Variants in KCNIP4 observed in about 807,000 individuals in gnomAD.
The protein encoded by KCNIP4 is potassium voltage-gated channel interacting protein 4.
Under a neutral mutation model 34.0 loss-of-function variants are expected in KCNIP4, and 12 were observed. The ratio of observed to expected loss-of-function variants is 0.35; its 90% CI spans 0.23 to 0.57. The LOEUF is 0.57. Ranked by LOEUF, KCNIP4 falls within the 20% of genes least tolerant of loss-of-function variation. The pLI, the probability that KCNIP4 is intolerant of heterozygous loss-of-function variation, is 0.83. For missense variants in KCNIP4, 238 were observed against 311.7 expected (o/e 0.76, Z 1.78); for synonymous variants, 124 against 102.2 (o/e 1.21, Z -1.29).
At chr4:21,025,553 T>TG (rs1387056981) in intron 1 of KCNIP4, among the ~76,000 whole-genome samples, 7 of 48,970 alleles carry the variant, frequency 1.4e-4, no homozygotes, top group Admixed American at 2.6e-4. Flanking sequence ...GTTTTTTTTT[T>TG]TTTTTTTTTT....
chr4:21,428,934 C>A (rs1292397523), intron 1 of KCNIP4, among the ~76,000 whole-genome samples: 4 of 152,144 alleles, frequency 2.6e-5, no homozygotes, highest in Non-Finnish European at 5.9e-5. Context: ...ATATCTTATA[C>A]CACAATGGTA....
intron 1 of KCNIP4, among the ~76,000 whole-genome samples, chr4:21,483,440 A>G (rs1430043955): frequency 1.3e-5 from 2 of 151,834 alleles, no homozygotes; most frequent in Non-Finnish European, 2.9e-5. Context: ...CCAACGATTT[A>G]GTACCATCCC....
At chr4:21,280,988 A>G (rs1241430929) in intron 1 of KCNIP4, among the ~76,000 whole-genome samples, 2 of 152,254 alleles carry the variant, frequency 1.3e-5, no homozygotes, top group Non-Finnish European at 2.9e-5. Flanking sequence ...GTATATCTCA[A>G]GTCCACAGCT....
intron 1 of KCNIP4, among the ~76,000 whole-genome samples, chr4:21,267,500 C>G (rs1284451910): frequency 6.6e-6 from 1 of 151,234 alleles, no homozygotes; most frequent in Admixed American, 6.6e-5. Flanking sequence ...ATAAATAGCT[C>G]TTATTATTTT....
chr4:21,248,506 TA>T (rs1198100619), intron 1 of KCNIP4, among the ~76,000 whole-genome samples: 3 of 152,200 alleles, frequency 2.0e-5, no homozygotes, highest in Non-Finnish European at 4.4e-5. Flanking sequence ...AAAGCCTTGA[TA>T]ACTGGAGAAT....
chr4:20,962,699 A>G (rs1329140423), intron 1 of KCNIP4, among the ~76,000 whole-genome samples: 2 of 152,244 alleles, frequency 1.3e-5, no homozygotes, highest in Non-Finnish European at 2.9e-5. Flanking sequence ...ATTAAAAAAC[A>G]TAAAAATGCA....
At chr4:21,303,759 A>T (rs759656317) in intron 1 of KCNIP4, 1 of 1,477,622 alleles carries the variant, frequency 6.8e-7, no homozygotes, top group South Asian at 1.1e-5. Flanking sequence ...AGACATTTTC[A>T]TTGCAAAACA....
intron 1 of KCNIP4, among the ~76,000 whole-genome samples, chr4:21,892,536 CAAAAGCAA>C (rs1727158722): frequency 1.1e-5 from 1 of 88,446 alleles, no homozygotes; most frequent in Middle Eastern, 5.7e-3. Context: ...AAAAAAAAAG[CAAAAGCAA>C]AAAAGTAAAA....
intron 1 of KCNIP4, among the ~76,000 whole-genome samples, chr4:21,352,342 G>A (rs1253416110): frequency 6.6e-6 from 1 of 152,188 alleles, no homozygotes; most frequent in Non-Finnish European, 1.5e-5. Context: ...CCCAGGAAGT[G>A]CAAGGGGTCA....
At chr4:21,653,713 T>G (rs529433481) in intron 1 of KCNIP4, among the ~76,000 whole-genome samples, 1 of 152,210 alleles carries the variant, frequency 6.6e-6, no homozygotes, top group African/African-American at 2.4e-5. Context: ...ATTGTCCTGT[T>G]TAATCCTCAC....
chr4:21,843,118 A>G (rs1334114239), intron 1 of KCNIP4, among the ~76,000 whole-genome samples: 1 of 152,146 alleles, frequency 6.6e-6, no homozygotes, highest in African/African-American at 2.4e-5. Flanking sequence ...TGAGCAAAAT[A>G]TGTGATTCAT....
chr4:21,346,245 T>TTA (rs1427830517), intron 1 of KCNIP4, among the ~76,000 whole-genome samples: 8 of 103,450 alleles, frequency 7.7e-5, no homozygotes, highest in African/African-American at 2.6e-4. Flanking sequence ...ATAATATATA[T>TTA]TATATATATA....
chr4:21,552,976 A>G (rs914568541), intron 1 of KCNIP4, among the ~76,000 whole-genome samples: 3 of 152,098 alleles, frequency 2.0e-5, no homozygotes, highest in Non-Finnish European at 4.4e-5. Context: ...TCCAGAAGAG[A>G]AAGCAGCAAA....
At chr4:21,655,419 G>C (rs887836081) in intron 1 of KCNIP4, among the ~76,000 whole-genome samples, 2 of 152,016 alleles carry the variant, frequency 1.3e-5, no homozygotes, top group African/African-American at 2.4e-5. Context: ...GAGACCACGA[G>C]TCTAAAGGGA....
intron 1 of KCNIP4, among the ~76,000 whole-genome samples, chr4:21,303,322 CTT>C (rs1408281750): frequency 1.3e-5 from 2 of 152,178 alleles, no homozygotes; most frequent in Non-Finnish European, 2.9e-5. Flanking sequence ...CTCCAGAAGA[CTT>C]TATGAAAAGC....
At chr4:20,928,568 A>G (rs1730126542) in intron 1 of KCNIP4, among the ~76,000 whole-genome samples, 1 of 151,984 alleles carries the variant, frequency 6.6e-6, no homozygotes, top group African/African-American at 2.4e-5. Context: ...AAACTAAAAA[A>G]AAGAAGAGCA....
intron 1 of KCNIP4, among the ~76,000 whole-genome samples, chr4:20,930,806 A>C (rs1730379154): frequency 6.6e-6 from 1 of 150,966 alleles, no homozygotes; most frequent in Non-Finnish European, 1.5e-5. Flanking sequence ...CCACTATGAG[A>C]TATCACCCTT....
chr4:21,370,019 G>A (rs1720177821), intron 1 of KCNIP4, among the ~76,000 whole-genome samples: 1 of 146,498 alleles, frequency 6.8e-6, no homozygotes, highest in Admixed American at 6.6e-5. Flanking sequence ...ATTAGAGACG[G>A]GGTTTCACCG....
intron 3 of KCNIP4, among the ~76,000 whole-genome samples, chr4:20,845,937 G>A (rs534002434): frequency 6.6e-6 from 1 of 152,242 alleles, no homozygotes; most frequent in East Asian, 1.9e-4. Flanking sequence ...TCCAACCAGA[G>A]CACTTAGCTA....
Sources: gnomAD v4.1 joint callset for allele counts (sites outside exome capture counted in the v4.1 genomes callset) on GRCh38, gnomAD v4.1.1 for gene constraint, MANE v1.5 for transcripts, NCBI Gene and HGNC (gene_info 2026-07-23, HGNC 2026-07-21) for gene names.